Variants in SCNN1G observed in about 807,000 individuals in gnomAD.
SCNN1G encodes epithelial sodium channel subunit gamma.
Under a neutral mutation model 64.6 loss-of-function variants are expected in SCNN1G, and 27 were observed. The ratio of observed to expected loss-of-function variants is 0.42; its 90% CI spans 0.31 to 0.58. SCNN1G has a LOEUF of 0.58. SCNN1G is among the 20% of genes least tolerant of loss of function. The pLI is 0.18. For missense variants in SCNN1G, 743 were observed against 823.4 expected, an observed-to-expected ratio of 0.90 and a Z score of 1.19; for synonymous variants, 330 against 314.2, an observed-to-expected ratio of 1.05 and a Z score of -0.53.
chr16:23,203,990 T>G (rs1438286037), intron 6 of SCNN1G, among the ~76,000 whole-genome samples: 1 of 151,532 alleles, frequency 6.6e-6, no homozygotes, highest in Non-Finnish European at 1.5e-5. Flanking sequence ...TAAAATATAT[T>G]GGCTTGGCTG....
At chr16:23,196,469 G>GT (rs2141934098) in intron 5 of SCNN1G, 1 of 152,474 alleles carries the variant, frequency 6.6e-6, no homozygotes, top group African/African-American at 2.4e-5. Flanking sequence ...CCACTGAAGA[G>GT]TTTCAGGTTT....
chr16:23,204,959 T>G (rs1010535079), intron 6 of SCNN1G, among the ~76,000 whole-genome samples: 2 of 152,108 alleles, frequency 1.3e-5, no homozygotes, highest in African/African-American at 2.4e-5. Flanking sequence ...ATTATAGGCG[T>G]GCACCACCAC....
intron 6 of SCNN1G, among the ~76,000 whole-genome samples, chr16:23,199,917 C>A (rs1233017420): frequency 6.6e-6 from 1 of 151,902 alleles, no homozygotes; most frequent in African/African-American, 2.4e-5. Flanking sequence ...GTGATCCGCC[C>A]GCCTCAGCCT....
intron 6 of SCNN1G, among the ~76,000 whole-genome samples, chr16:23,209,350 G>A (rs574452338): frequency 3.3e-5 from 5 of 152,112 alleles, no homozygotes; most frequent in Non-Finnish European, 5.9e-5. Context: ...TAAGCCAACA[G>A]GTCCCTTTTT....
intron 2 of SCNN1G, among the ~76,000 whole-genome samples, chr16:23,186,883 C>A (rs139684874): frequency 6.6e-6 from 1 of 152,198 alleles, no homozygotes; most frequent in Non-Finnish European, 1.5e-5. Context: ...GCGATCTCGG[C>A]TCACTGCAAC....
At chr16:23,185,501 A>C (rs536631888) in intron 1 of SCNN1G, among the ~76,000 whole-genome samples, 26 of 152,358 alleles carry the variant, frequency 1.7e-4, no homozygotes, top group African/African-American at 6.3e-4. Flanking sequence ...TCTCTAAATT[A>C]ATGGTATCTT....
chr16:23,204,288 C>CATATATATATATATATAT (rs59288460), intron 6 of SCNN1G, among the ~76,000 whole-genome samples: 1 of 14,178 alleles, frequency 7.1e-5, no homozygotes, highest in African/African-American at 3.1e-4. Flanking sequence ...CAAATATATA[C>CATATATATATATATATAT]ATATATATAT....
At chr16:23,198,619 T>A (rs1405597202) in intron 6 of SCNN1G, among the ~76,000 whole-genome samples, 1 of 150,686 alleles carries the variant, frequency 6.6e-6, no homozygotes, top group Non-Finnish European at 1.5e-5. Context: ...AGGCCTGTAG[T>A]CCCAGCTACT....
intron 3 of SCNN1G, 31 bp downstream of exon 3, chr16:23,189,702 C>G: frequency 6.2e-7 from 1 of 1,605,744 alleles, no homozygotes; most frequent in Non-Finnish European, 8.5e-7. Flanking sequence ...TCTTTCACTG[C>G]TTAGGGGCAT....
chr16:23,183,219 G>T (rs1959550301), intron 1 of SCNN1G, among the ~76,000 whole-genome samples: 1 of 152,240 alleles, frequency 6.6e-6, no homozygotes, highest in South Asian at 2.1e-4. Flanking sequence ...GCAAACACTT[G>T]AAGTGGGCTG....
At chr16:23,199,376 T>A (rs1959848351) in intron 6 of SCNN1G, among the ~76,000 whole-genome samples, 1 of 152,170 alleles carries the variant, frequency 6.6e-6, no homozygotes. Flanking sequence ...TTGATAGACA[T>A]TAGGTCATTT....
In SCNN1G at chr16:23,213,190, G is replaced by C. The variant is rs776636714; in HGVS notation, c.1493+27G>C. Reference sequence around the variant, plus strand: ...TAAGTTACCTCTACCCTGTTCCTCTGTCTCTTCCCACCACAGCCCCCAGCC... The same window carrying C: ...TAAGTTACCTCTACCCTGTTCCTCTCTCTCTTCCCACCACAGCCCCCAGCC... On this transcript the variant is annotated intron_variant, in intron 11 of 12. Transcript: ENST00000300061. The C allele has an allele frequency of 7.7e-6, 12 of 1,562,180 alleles. No homozygotes were observed. The South Asian group carries it at 1.3e-4, about 17-fold the overall frequency.
At chr16:23,195,624 T>C (rs1313250052) in intron 5 of SCNN1G, among the ~76,000 whole-genome samples, 1 of 152,202 alleles carries the variant, frequency 6.6e-6, no homozygotes, top group African/African-American at 2.4e-5. Context: ...ATCTGGAAAC[T>C]GAAAGTGAAA....
chr16:23,190,523 A>G (rs1443051521), intron 3 of SCNN1G, among the ~76,000 whole-genome samples: 2 of 152,206 alleles, frequency 1.3e-5, no homozygotes, highest in Non-Finnish European at 2.9e-5. Flanking sequence ...AGAAGCATCA[A>G]ATATGTTCAG....
chr16:23,211,447 A>G (rs1960077669), intron 7 of SCNN1G, among the ~76,000 whole-genome samples: 1 of 152,216 alleles, frequency 6.6e-6, no homozygotes, highest in African/African-American at 2.4e-5. Context: ...TGGCACCCAC[A>G]TGATGGAAAA....
intron 11 of SCNN1G, among the ~76,000 whole-genome samples, chr16:23,213,698 G>C (rs1960118035): frequency 6.6e-6 from 1 of 152,196 alleles, no homozygotes; most frequent in Admixed American, 6.5e-5. Context: ...CCTGCCATGA[G>C]AGCCAATCTG....
intron 3 of SCNN1G, among the ~76,000 whole-genome samples, chr16:23,191,507 C>T (rs1226714847): frequency 1.3e-5 from 2 of 152,166 alleles, no homozygotes; most frequent in African/African-American, 2.4e-5. Context: ...CTCACTGCAG[C>T]CTAGAACTCC....
At chr16:23,187,922 C>T (rs1188799945) in intron 2 of SCNN1G, among the ~76,000 whole-genome samples, 2 of 152,168 alleles carry the variant, frequency 1.3e-5, no homozygotes, top group African/African-American at 2.4e-5. Context: ...TGTCCAGAAT[C>T]GTCAGTGAGT....
At chr16:23,196,939 C>G (rs1015447556) in intron 5 of SCNN1G, among the ~76,000 whole-genome samples, 10 of 152,324 alleles carry the variant, frequency 6.6e-5, no homozygotes, top group Non-Finnish European at 1.5e-4. Context: ...CCGAGCTCCC[C>G]ATCTCAAAGG....
Sources: gnomAD v4.1 joint callset for allele counts (sites outside exome capture counted in the v4.1 genomes callset) on GRCh38, gnomAD v4.1.1 for gene constraint, MANE v1.5 for transcripts, NCBI Gene and HGNC (gene_info 2026-07-23, HGNC 2026-07-21) for gene names.